The following AFAP1 variants were observed in gnomAD, a reference collection of about 807,000 sequenced individuals.
AFAP1 encodes actin filament-associated protein 1.
In AFAP1, 75 loss-of-function variants were observed where a neutral mutation model predicts 93.9. That is an observed-to-expected ratio of 0.80 (90% confidence interval 0.66 to 0.97). The LOEUF (loss-of-function observed/expected upper bound fraction) is 0.97, where lower values mean the gene tolerates loss of function less well. Among genes scored for constraint, AFAP1 ranks in the 50% least tolerant of loss-of-function variants. The pLI is 0.00. For synonymous variants in AFAP1, 517 were observed against 430.7 expected (o/e 1.20, Z -2.48); for missense variants, 1,201 against 1,050.8 (o/e 1.14, Z -1.98).
intron 6 of AFAP1, among the ~76,000 whole-genome samples, chr4:7,830,512 G>A (rs547680862): frequency 6.6e-6 from 1 of 152,302 alleles, no homozygotes; most frequent in African/African-American, 2.4e-5. Context: ...GGTTTGTGGA[G>A]TTTGAAGCCA....
At position 7,793,725 on chromosome 4, in the gene AFAP1, C is replaced by T; in HGVS notation, c.1368G>A (p.Val456=). The T allele has an allele frequency of 6.3e-7, 1 of 1,578,214 alleles. No individual in the cohort carries two copies. Among genetic ancestry groups the T allele is most frequent in the South Asian group, 1.1e-5 (1 of 87,944 alleles). Residue 456 remains valine, a synonymous_variant, in exon 11 of 18, where the codon GTG becomes GTA. Transcript: ENST00000420658. ...PEALHYDYID[V]EMSASVIQTA... ...TCTGAATGACACTTGCAGACATCTC[C>T]ACATCAATGTAGTCATAGTGCAGAG...
At chr4:7,864,008 T>C (rs796837316) in intron 3 of AFAP1, among the ~76,000 whole-genome samples, 2 of 71,028 alleles carry the variant, frequency 2.8e-5, no homozygotes, top group African/African-American at 6.2e-5. Context: ...CCTTCCCAAC[T>C]TCCCATCACA....
chr4:7,882,314 G>A (rs528476547), intron 1 of AFAP1, among the ~76,000 whole-genome samples: 15 of 151,510 alleles, frequency 9.9e-5, no homozygotes, highest in Non-Finnish European at 2.1e-4. Flanking sequence ...TAGTTTTACA[G>A]GGGAATTCTA....
intron 4 of AFAP1, among the ~76,000 whole-genome samples, chr4:7,852,789 G>A (rs1714600321): frequency 1.3e-5 from 2 of 152,282 alleles, no homozygotes; most frequent in Middle Eastern, 3.4e-3. Context: ...ATATAACTGT[G>A]TACACAGAAA....
Position 7,855,565 on chromosome 4 carries a change from T to A in AFAP1, c.235A>T (p.Ser79Cys), listed in dbSNP as rs554158507. ...EIPQPWLPPD[S>C]GPPPLPTSSL... is the part of the protein sequence containing the mutation. The stretch of plus-strand genomic sequence containing the variant: ...GATGTTGGCAATGGTGGAGGCCCAC[T>A]GTCAGGAGGCTGAGGAAGAAAGGAA... The change falls in exon 4 of 18, where the codon AGT (serine) becomes TGT (cysteine). Residue 79 changes from serine (S) to cysteine (C), a missense_variant. Coordinates refer to ENST00000420658, the MANE Select transcript of AFAP1 (RefSeq NM_001134647.2). 3.7e-6 allele frequency: 6 copies of A among 1,612,556 alleles called. No homozygotes were observed. In the South Asian group the frequency reaches 6.6e-5, roughly 18 times the overall value.
At chr4:7,882,579 G>T (rs1469320868) in intron 1 of AFAP1, among the ~76,000 whole-genome samples, 1 of 152,170 alleles carries the variant, frequency 6.6e-6, no homozygotes. Context: ...TAGAAATGCA[G>T]GGTGGGTGCG....
At chr4:7,885,607 T>C (rs1283974005) in intron 1 of AFAP1, among the ~76,000 whole-genome samples, 1 of 152,226 alleles carries the variant, frequency 6.6e-6, no homozygotes, top group Non-Finnish European at 1.5e-5. Context: ...ATGCCTGATG[T>C]GGAAACAAGA....
chr4:7,853,577 G>A (rs539874163), intron 4 of AFAP1, among the ~76,000 whole-genome samples: 98 of 152,232 alleles, frequency 6.4e-4, no homozygotes, highest in African/African-American at 2.1e-3. Flanking sequence ...GAAACTGCCC[G>A]TGCTTCTTCC....
intron 17 of AFAP1, among the ~76,000 whole-genome samples, chr4:7,765,718 GC>G: frequency 6.6e-6 from 1 of 152,240 alleles, no homozygotes; most frequent in Non-Finnish European, 1.5e-5. Context: ...GGCATGGATG[GC>G]TCTGGAGGAC....
chr4:7,769,040 G>A, intron 16 of AFAP1, 32 bp from the exon 17 acceptor site: 1 of 1,560,550 alleles, frequency 6.4e-7, no homozygotes, highest in Non-Finnish European at 8.7e-7. Context: ...CATGTGATGA[G>A]CGGTTTCTGG....
chr4:7,846,304 T>C (rs561195445), intron 4 of AFAP1, among the ~76,000 whole-genome samples: 3 of 152,320 alleles, frequency 2.0e-5, no homozygotes, highest in African/African-American at 4.8e-5. Flanking sequence ...TTCTGGTAAA[T>C]GTATTTTACA....
At chr4:7,797,685 T>C (rs1334172255) in intron 10 of AFAP1, among the ~76,000 whole-genome samples, 1 of 152,194 alleles carries the variant, frequency 6.6e-6, no homozygotes, top group East Asian at 1.9e-4. Context: ...TAGGAATAAC[T>C]AGAAAAACCT....
chr4:7,871,412 C>G (rs1487312463), intron 2 of AFAP1, among the ~76,000 whole-genome samples: 1 of 152,162 alleles, frequency 6.6e-6, no homozygotes, highest in East Asian at 1.9e-4. Flanking sequence ...GCCTAGAGGA[C>G]CGGACCCAAG....
At chr4:7,921,852 G>T (rs1177969784) in intron 1 of AFAP1, among the ~76,000 whole-genome samples, 1 of 152,230 alleles carries the variant, frequency 6.6e-6, no homozygotes, top group African/African-American at 2.4e-5. Flanking sequence ...TAGGCCGGGC[G>T]CGGTGGCTCA....
intron 11 of AFAP1, among the ~76,000 whole-genome samples, chr4:7,788,324 T>C (rs1216957155): frequency 6.6e-6 from 1 of 152,240 alleles, no homozygotes; most frequent in Non-Finnish European, 1.5e-5. Context: ...GAAGCCCGCC[T>C]CTTTGGTAAG....
intron 9 of AFAP1, among the ~76,000 whole-genome samples, chr4:7,803,480 A>G (rs1335002880): frequency 6.6e-6 from 1 of 152,146 alleles, no homozygotes; most frequent in Non-Finnish European, 1.5e-5. Context: ...CCAGTCCCCA[A>G]GAGGGCAATT....
intron 6 of AFAP1, among the ~76,000 whole-genome samples, chr4:7,836,477 G>A (rs1315710333): frequency 9.9e-5 from 15 of 152,146 alleles, no homozygotes; most frequent in Admixed American, 7.9e-4. Context: ...ACAGGGTCTC[G>A]CTCCTATCAC....
chr4:7,763,716 C>T lies in AFAP1; in HGVS notation c.*49G>A, dbSNP rs1205816439. 3.2e-6 allele frequency: 5 copies of T among 1,550,430 alleles called. No individual in the cohort carries two copies. Among genetic ancestry groups the T allele is most frequent in the Non-Finnish European group, 4.4e-6 (5 of 1,146,060 alleles). ...TCCTGCCGTCACACAGATGAGGATA[C>T]AGGCAAGGGGGTGTGCAGTCTCTGA... On this transcript the variant is annotated 3_prime_UTR_variant, in exon 18 of 18. Coordinates refer to ENST00000420658, the MANE Select transcript of AFAP1 (RefSeq NM_001134647.2).
chr4:7,878,526 T>C (rs976935540), intron 1 of AFAP1, among the ~76,000 whole-genome samples: 2 of 152,192 alleles, frequency 1.3e-5, no homozygotes, highest in Non-Finnish European at 2.9e-5. Context: ...GTGCCCTTGT[T>C]TTCCTCCAGG....
Sources: gnomAD v4.1 joint callset for allele counts (sites outside exome capture counted in the v4.1 genomes callset) on GRCh38, gnomAD v4.1.1 for gene constraint, MANE v1.5 for transcripts, NCBI Gene and HGNC (gene_info 2026-07-23, HGNC 2026-07-21) for gene names.